The following DMD variants were observed in gnomAD, a reference collection of about 807,000 sequenced individuals.
The protein encoded by DMD is mutant dystrophin.
DMD carries 63 observed loss-of-function variants against 330.1 expected under a neutral mutation model. The observed-to-expected ratio is 0.19, with a 90% CI of 0.16 to 0.24. The LOEUF (loss-of-function observed/expected upper bound fraction) is 0.24, where lower values mean the gene tolerates loss of function less well. Among genes scored for constraint, DMD ranks in the 10% least tolerant of loss-of-function variants. DMD has a pLI of 1.00. For synonymous variants in DMD, 1,223 were observed against 959.8 expected (o/e 1.27, Z -5.07); for missense variants, 3,344 against 2,684.1 (o/e 1.25, Z -5.43).
intron 44 of DMD, among the ~76,000 whole-genome samples, chrX:32,188,646 C>G (rs143612800): frequency 9.2e-6 from 1 of 108,481 alleles, no homozygotes; most frequent in African/African-American, 3.3e-5. Flanking sequence ...TGGTTTTGAT[C>G]ACAATTACTT....
chrX:32,274,627 C>A (rs1470442882), intron 43 of DMD, among the ~76,000 whole-genome samples: 4 of 112,132 alleles, frequency 3.6e-5, no homozygotes, highest in African/African-American at 9.7e-5. Context: ...ATAAATACAA[C>A]AAATTTTCTT....
At chrX:32,572,400 G>T (rs1012716806) in intron 15 of DMD, among the ~76,000 whole-genome samples, 3 of 111,220 alleles carry the variant, frequency 2.7e-5, no homozygotes, top group African/African-American at 9.8e-5. Context: ...TTTTATAAAA[G>T]TTCATATCAA....
chrX:31,894,122 C>A (rs2094297368), intron 47 of DMD, among the ~76,000 whole-genome samples: 1 of 111,943 alleles, frequency 8.9e-6, no homozygotes, highest in Non-Finnish European at 1.9e-5. Context: ...TACCCTGTCA[C>A]CCTAAGCAGA....
At position 32,217,195 on chromosome X, in the gene DMD, AGTTTC is replaced by A. The variant is rs774555074; in HGVS notation, c.6291-137_6291-133del. On this transcript the variant is annotated intron_variant, in intron 43 of 78. Coordinates refer to ENST00000357033, the MANE Select transcript of DMD (RefSeq NM_004006.3). The stretch of plus-strand genomic sequence containing the variant: ...ATAGTTTCCTGCATTTGCAGAGTTT[AGTTTC>A]AAGTAACAAATAAAAATTAATATAC... 333 of 610,040 alleles carry A rather than the reference AGTTTC, an allele frequency of 5.5e-4. 1 individual carries two copies. Among genetic ancestry groups the A allele is most frequent in the South Asian group, 2.9e-3 (103 of 35,436 alleles). The allele number at this position is 610,040 out of a possible 1,213,427, so 50.3% of individuals were successfully genotyped here. A position where few individuals can be genotyped will look rare whatever the true frequency, so the allele number is the denominator to read the frequency against.
intron 44 of DMD, among the ~76,000 whole-genome samples, chrX:32,156,506 C>A (rs2096830887): frequency 9.0e-6 from 1 of 111,674 alleles, no homozygotes; most frequent in Non-Finnish European, 1.9e-5. Flanking sequence ...CATAATAGTT[C>A]ATTATAATAG....
chrX:33,041,333 C>G, intron 1 of DMD: 1 of 1,125,311 alleles, frequency 8.9e-7, no homozygotes, highest in African/African-American at 1.8e-5. Context: ...ACCGCCTCTG[C>G]GCGTCGCCCT....
intron 12 of DMD, among the ~76,000 whole-genome samples, chrX:32,608,973 T>C (rs1253568351): frequency 9.0e-6 from 1 of 111,026 alleles, no homozygotes; most frequent in African/African-American, 3.3e-5. Flanking sequence ...CTTGATCCTA[T>C]GGCACTGTCA....
At chrX:31,898,585 G>A (rs2149801169) in intron 47 of DMD, among the ~76,000 whole-genome samples, 1 of 111,797 alleles carries the variant, frequency 8.9e-6, no homozygotes, top group South Asian at 3.8e-4. Context: ...GCTGAAACTG[G>A]ATCCCTTCCT....
intron 2 of DMD, among the ~76,000 whole-genome samples, chrX:32,877,297 T>C (rs1016684948): frequency 1.8e-5 from 2 of 112,663 alleles, no homozygotes; most frequent in Non-Finnish European, 3.7e-5. Flanking sequence ...AGAATTCATC[T>C]GCACAAGTCA....
intron 1 of DMD, among the ~76,000 whole-genome samples, chrX:33,197,342 A>G (rs1232214033): frequency 1.8e-5 from 2 of 112,409 alleles, no homozygotes; most frequent in African/African-American, 6.5e-5. Flanking sequence ...GATACCATGT[A>G]TAACTATAGT....
chrX:31,789,183 T>C (rs902108563), intron 50 of DMD, among the ~76,000 whole-genome samples: 3 of 111,824 alleles, frequency 2.7e-5, no homozygotes, highest in African/African-American at 9.7e-5. Flanking sequence ...TCTTCTTTTA[T>C]GGTTTGACTG....
chrX:32,529,280 T>C (rs113345181), intron 17 of DMD, among the ~76,000 whole-genome samples: 64 of 107,460 alleles, frequency 6.0e-4, no homozygotes, highest in Admixed American at 5.1e-3. Context: ...CCCTAAAATG[T>C]GTAAAACCAA....
chrX:32,485,769 GTCTCGCTC>G (rs755647507), intron 20 of DMD, among the ~76,000 whole-genome samples: 1,320 of 29,829 alleles, frequency 0.044, 38 homozygotes, highest in African/African-American at 0.085. Context: ...TTGGGACAGA[GTCTCGCTC>G]TTGTTGCCCA....
At chrX:32,694,218 C>G in intron 9 of DMD, among the ~76,000 whole-genome samples, 1 of 111,316 alleles carries the variant, frequency 9.0e-6, no homozygotes, top group Admixed American at 9.6e-5. Context: ...GAGATCTCAT[C>G]TGTCTACACA....
rs928851758 is a variant in DMD, at chrX:32,801,310, C to G, written c.649+8183G>C. ...ACTTTTTTTTCACATACTTGTTGGC[C>G]ACATAAATGTCTTCTTTGAGAAGGG... On this transcript the variant is annotated intron_variant, in intron 7 of 78. Coordinates refer to ENST00000357033, the MANE Select transcript of DMD (RefSeq NM_004006.3). 4.5e-5 allele frequency among the ~76,000 whole-genome samples: 5 copies of G among 111,427 alleles called. No individual in the cohort carries two copies. The Admixed American group carries it at 4.7e-4, about 11-fold the overall frequency.
chrX:31,487,091 A>C (rs913896075), intron 57 of DMD, among the ~76,000 whole-genome samples: 16 of 111,920 alleles, frequency 1.4e-4, no homozygotes, highest in African/African-American at 4.2e-4. Flanking sequence ...AATTTGAAGA[A>C]AGAGGCAATG....
chrX:32,892,935 C>A (rs1388557230), intron 2 of DMD, among the ~76,000 whole-genome samples: 1 of 111,516 alleles, frequency 9.0e-6, no homozygotes, highest in Non-Finnish European at 1.9e-5. Flanking sequence ...CAGATATTTT[C>A]ATGATTTTAT....
At chrX:32,949,342 G>GTAGATAGATAGA (rs1193558967) in intron 2 of DMD, among the ~76,000 whole-genome samples, 261 of 91,542 alleles carry the variant, frequency 2.9e-3, no homozygotes, top group Non-Finnish European at 3.6e-3. Flanking sequence ...AGGTAGGTAG[G>GTAGATAGATAGA]TAGATAGATA....
chrX:33,057,276 T>C (rs2094529121), intron 1 of DMD, among the ~76,000 whole-genome samples: 1 of 111,776 alleles, frequency 8.9e-6, no homozygotes. Flanking sequence ...CCATCTTGTT[T>C]AGAAAAGACT....
Sources: gnomAD v4.1 joint callset for allele counts (sites outside exome capture counted in the v4.1 genomes callset) on GRCh38, gnomAD v4.1.1 for gene constraint, MANE v1.5 for transcripts, NCBI Gene and HGNC (gene_info 2026-07-23, HGNC 2026-07-21) for gene names.